The following SPTB variants were observed in gnomAD, a reference collection of about 807,000 sequenced individuals.
SPTB encodes spectrin beta chain, erythrocytic.
Under a neutral mutation model 256.2 loss-of-function variants are expected in SPTB, and 45 were observed. The observed-to-expected ratio is 0.18, with a 90% CI of 0.14 to 0.23. The LOEUF (loss-of-function observed/expected upper bound fraction) is 0.23, where lower values mean the gene tolerates loss of function less well. Ranked by LOEUF, SPTB falls within the 10% of genes least tolerant of loss-of-function variation. SPTB has a pLI of 1.00. For synonymous variants in SPTB, 1,231 were observed against 1,243.1 expected (o/e 0.99, Z 0.21); for missense variants, 2,715 against 3,040.4 (o/e 0.89, Z 2.52).
At chr14:64,780,044 T>G in intron 20 of SPTB, 113 bp from the exon 21 acceptor site, 1 of 888,342 alleles carries the variant, frequency 1.1e-6, no homozygotes, top group Non-Finnish European at 1.9e-6. Context: ...GAGCTCAACT[T>G]CCTCCAAGGA....
chr14:64,850,601 G>A (rs1022402597), intron 1 of SPTB, among the ~76,000 whole-genome samples: 1 of 152,166 alleles, frequency 6.6e-6, no homozygotes, highest in Non-Finnish European at 1.5e-5. Context: ...CCTCTTGTCC[G>A]CCCAACAATG....
rs778611697 is a variant in SPTB at position 64,802,185 on chromosome 14, G to A, written c.566+41C>T. ...TGGCAGTGCTTGTGCGGAGCAAGGG[G>A]CTGGTGGTGGATGTGCTAACAGCTG... On this transcript the variant is annotated intron_variant, in intron 5 of 35. Transcript: ENST00000644917. The surrounding 1 kb of genome is among the most constrained non-coding windows in gnomAD (Gnocchi z 5.1). 2.2e-5 allele frequency: 34 copies of A among 1,580,168 alleles called. No homozygotes were observed. The highest frequency in any genetic ancestry group is 8.7e-7 in the Non-Finnish European group (1 of 1,149,254).
At chr14:64,830,656 T>C (rs749489229) in intron 1 of SPTB, among the ~76,000 whole-genome samples, 1 of 152,154 alleles carries the variant, frequency 6.6e-6, no homozygotes, top group Non-Finnish European at 1.5e-5. Flanking sequence ...CAGGCCCTCA[T>C]CTCTTCCCAC....
At position 64,793,545 on chromosome 14, in the gene SPTB, G is replaced by A. The variant is rs1226048988; in HGVS notation, c.2118C>T (p.Arg706=). 2.5e-6 allele frequency: 4 copies of A among 1,614,120 alleles called. No individual in the cohort carries two copies. The South Asian group carries it at 4.4e-5, about 18-fold the overall frequency. The change falls in exon 14 of 36, where the codon CGC becomes CGT. Residue 706 remains arginine (R), a synonymous_variant. Coordinates refer to ENST00000644917, the MANE Select transcript of SPTB (RefSeq NM_001355436.2). This position sits in a 1 kb window ranked among gnomAD's most constrained non-coding sequence, Gnocchi z 7.0. ...CGATCTGCGGGTGCCCAAACTGCTT[G>A]CGCGCAACCATGCCATGAGCCTCCT... ...IFQEAHGMVA[R]KQFGHPQIEA...
At chr14:64,829,248 G>C (rs1021148505) in intron 1 of SPTB, among the ~76,000 whole-genome samples, 8 of 152,166 alleles carry the variant, frequency 5.3e-5, no homozygotes, top group African/African-American at 1.7e-4. Flanking sequence ...AGGAAGCAAA[G>C]AAACAAACCC....
chr14:64,800,442 T>C (rs1157034943), intron 8 of SPTB, among the ~76,000 whole-genome samples: 2 of 152,048 alleles, frequency 1.3e-5, no homozygotes, highest in Admixed American at 6.6e-5. Context: ...GCCTAAGAGG[T>C]CTGCAATCAC....
rs775779339 is a variant in SPTB, at chr14:64,753,606, C to G, written c.6533G>C (p.Ser2178Thr). 3 of 1,613,718 alleles carry G rather than the reference C, an allele frequency of 1.9e-6. No individual in the cohort carries two copies. The stretch of plus-strand genomic sequence containing the variant: ...GCCCAGGTAGCCTTCCATCTGCACA[C>G]TCTGCCCATGGTCCCGCGGGGCCGG... ...TLPAPRDHGQSVQMEGYLGRK... is the reference protein window; with the variant it reads ...TLPAPRDHGQTVQMEGYLGRK... Residue 2178 changes from serine to threonine, a missense_variant, in exon 33 of 36, where the codon AGT becomes ACT. Ser to Thr is a moderately conservative substitution (Grantham distance 58). Around this residue, in one of 4 missense-constraint regions of SPTB, gnomAD observed 2,239 missense variants for 2,384.4 expected, o/e 0.94. Transcript: ENST00000644917.
At chr14:64,765,022 G>A (rs994567165) in intron 32 of SPTB, among the ~76,000 whole-genome samples, 3 of 125,714 alleles carry the variant, frequency 2.4e-5, no homozygotes, top group Admixed American at 7.3e-5. Context: ...AGAGGAGTGT[G>A]TGCGTGTGTG....
intron 20 of SPTB, among the ~76,000 whole-genome samples, 193 bp downstream of exon 20, chr14:64,782,096 AG>A (rs2082481503): frequency 1.3e-5 from 2 of 152,178 alleles, no homozygotes; most frequent in Non-Finnish European, 2.9e-5. Flanking sequence ...GGAGCAGAAA[AG>A]ATAACTATTG....
rs534142958 is a variant in SPTB at position 64,826,904 on chromosome 14, A to G, written c.-51-3759T>C. On this transcript the variant is annotated intron_variant, in intron 1 of 35. Coordinates refer to ENST00000644917, the MANE Select transcript of SPTB (RefSeq NM_001355436.2). The surrounding 1 kb of genome is among the most constrained non-coding windows in gnomAD (Gnocchi z 4.4). ...AGGCTTGCCCACAGCTCAGCACTGA[A>G]AACCTCATGGGATCACACAGAGGAC... Among the ~76,000 whole-genome samples, 15 of 152,290 alleles carry G rather than the reference A, an allele frequency of 9.8e-5. No homozygotes were observed. In the South Asian group the frequency reaches 3.1e-3, roughly 32 times the overall value.
At position 64,771,086 on chromosome 14, in the gene SPTB, T is replaced by A. The variant is rs763962262; in HGVS notation, c.5597A>T (p.Tyr1866Phe). 1 of 1,614,138 alleles carries A rather than the reference T, an allele frequency of 6.2e-7. No homozygotes were observed. Among genetic ancestry groups the A allele is most frequent in the Non-Finnish European group, 8.5e-7 (1 of 1,180,040 alleles). Reference sequence around the variant, plus strand: ...GATGGCCTCTGCCTTCTCCCCAGCATATGCTGTCTGCAGACGGGTGGCCAC... The same window carrying A: ...GATGGCCTCTGCCTTCTCCCCAGCAAATGCTGTCTGCAGACGGGTGGCCAC... The part of the protein sequence containing the change: ...QDVATRLQTA[Y>F]AGEKAEAIQN... Residue 1866 changes from tyrosine (Y) to phenylalanine (F), a missense_variant, in exon 27 of 36, where the codon TAT becomes TTT. Around this residue, in one of 4 missense-constraint regions of SPTB, gnomAD observed 2,239 missense variants for 2,384.4 expected, o/e 0.94. Transcript: ENST00000644917.
rs1370380762 is a variant in SPTB at position 64,795,689 on chromosome 14, C to T, written c.1342-50G>A. On this transcript the variant is annotated intron_variant, in intron 11 of 35. Transcript: ENST00000644917. The surrounding 1 kb of genome is among the most constrained non-coding windows in gnomAD (Gnocchi z 6.5). ...CAGCTCAGTCAGACACCCAGGGGCT[C>T]ATCCCCAAACTCAGGGACAGGGCAG... The T allele has an allele frequency of 3.8e-6, 6 of 1,596,402 alleles. No individual in the cohort carries two copies. The East Asian group carries it at 1.3e-4, about 36-fold the overall frequency.
intron 1 of SPTB, among the ~76,000 whole-genome samples, chr14:64,833,458 G>A (rs1156531664): frequency 6.6e-6 from 1 of 151,930 alleles, no homozygotes; most frequent in Non-Finnish European, 1.5e-5. Context: ...AGGCAGAGGT[G>A]GGAGAATTAC....
At chr14:64,811,466 T>C (rs1039609267) in intron 2 of SPTB, among the ~76,000 whole-genome samples, 3 of 152,212 alleles carry the variant, frequency 2.0e-5, no homozygotes, top group Non-Finnish European at 4.4e-5. Flanking sequence ...GAATATCAAG[T>C]GTATATTAGG....
rs2083379237 is a variant in SPTB at position 64,826,467 on chromosome 14, G to C, written c.-51-3322C>G. On this transcript the variant is annotated intron_variant, in intron 1 of 35. Coordinates refer to ENST00000644917, the MANE Select transcript of SPTB (RefSeq NM_001355436.2). The surrounding 1 kb of genome is among the most constrained non-coding windows in gnomAD (Gnocchi z 4.4). ...TAAGTTGCTACCTGGGAGGAACTTA[G>C]AGATGAGATGATCTGGTCTCATTTT... Among the ~76,000 whole-genome samples the C allele has an allele frequency of 6.6e-6, 1 of 152,194 alleles. No individual in the cohort carries two copies. The highest frequency in any genetic ancestry group is 6.5e-5 in the Admixed American group (1 of 15,280).
At chr14:64,833,348 C>T (rs931934578) in intron 1 of SPTB, among the ~76,000 whole-genome samples, 14 of 152,092 alleles carry the variant, frequency 9.2e-5, no homozygotes, top group African/African-American at 3.4e-4. Flanking sequence ...GTTGGCAGTT[C>T]GAGACCAGGC....
At chr14:64,769,181 G>A (rs777013992) in intron 28 of SPTB, 63 bp from the exon 29 acceptor site, 16 of 1,427,130 alleles carry the variant, frequency 1.1e-5, no homozygotes, top group East Asian at 9.1e-5. Context: ...GAGGCAGTGC[G>A]CAGATGGGTC....
At chr14:64,874,297 C>T (rs764296620) in intron 1 of SPTB, among the ~76,000 whole-genome samples, 7 of 152,298 alleles carry the variant, frequency 4.6e-5, no homozygotes, top group Middle Eastern at 3.4e-3. Context: ...GAGATGTTTC[C>T]TCCTGTACAC....
intron 28 of SPTB, 33 bp downstream of exon 28, chr14:64,769,557 A>T (rs1271630452): frequency 6.2e-7 from 1 of 1,612,294 alleles, no homozygotes. Context: ...ACGGAGACGG[A>T]GGAGCTCGCC....
Sources: allele counts gnomAD v4.1 joint callset (sites outside exome capture counted in the v4.1 genomes callset), GRCh38; gene constraint gnomAD v4.1.1; regional missense constraint gnomAD v4.1.1; non-coding constraint Gnocchi (gnomAD v3.1); transcripts MANE v1.5; gene names NCBI Gene and HGNC (gene_info 2026-07-23, HGNC 2026-07-21).